Variants in DAAM1 observed in about 807,000 individuals in gnomAD.
DAAM1 encodes the protein dishevelled associated activator of morphogenesis 1.
DAAM1 carries 52 observed loss-of-function variants against 130.0 expected under a neutral mutation model. The ratio of observed to expected loss-of-function variants is 0.40; its 90% confidence interval spans 0.32 to 0.50. The LOEUF (loss-of-function observed/expected upper bound fraction) is 0.50, where lower values mean the gene tolerates loss of function less well. Among genes scored for constraint, DAAM1 ranks in the 20% least tolerant of loss-of-function variants. The pLI is 0.61. For synonymous variants in DAAM1, 452 were observed against 444.5 expected, an observed-to-expected ratio of 1.02 and a Z score of -0.21; for missense variants, 1,134 against 1,303.8, an observed-to-expected ratio of 0.87 and a Z score of 2.01.
intron 4 of DAAM1, among the ~76,000 whole-genome samples, chr14:59,319,693 G>T (rs1191346367): frequency 6.6e-6 from 1 of 152,136 alleles, no homozygotes. Flanking sequence ...GAATGGAAAG[G>T]TCTAGACACC....
intron 22 of DAAM1, chr14:59,362,636 C>CAAAAAA (rs57700121): frequency 7.7e-6 from 1 of 129,938 alleles, no homozygotes; most frequent in Non-Finnish European, 1.7e-5. Flanking sequence ...TGCCCTCTTA[C>CAAAAAA]AAAAAAAAAA....
intron 24 of DAAM1, among the ~76,000 whole-genome samples, 187 bp from the exon 25 acceptor site, chr14:59,368,463 G>A (rs976243536): frequency 1.3e-5 from 2 of 151,826 alleles, no homozygotes; most frequent in African/African-American, 4.8e-5. Context: ...GTTTTTTGTT[G>A]TCCATTGCTC....
intron 1 of DAAM1, among the ~76,000 whole-genome samples, chr14:59,225,358 T>C (rs937730004): frequency 3.9e-5 from 6 of 152,274 alleles, no homozygotes; most frequent in African/African-American, 1.4e-4. Context: ...TTACCCAGTC[T>C]AAGGTAATTT....
intron 23 of DAAM1, among the ~76,000 whole-genome samples, chr14:59,365,688 G>T (rs1886886804): frequency 6.6e-6 from 1 of 152,052 alleles, no homozygotes; most frequent in Non-Finnish European, 1.5e-5. Context: ...TATAACAAAG[G>T]CAAGTAAAGC....
chr14:59,365,290 C>G (rs777098584), intron 23 of DAAM1, among the ~76,000 whole-genome samples: 1 of 152,148 alleles, frequency 6.6e-6, no homozygotes, highest in Non-Finnish European at 1.5e-5. Context: ...AAAGATCACT[C>G]AGGATGGCTT....
intron 1 of DAAM1, among the ~76,000 whole-genome samples, chr14:59,257,689 G>A (rs1218856704): frequency 3.9e-5 from 6 of 152,156 alleles, no homozygotes; most frequent in Non-Finnish European, 7.3e-5. Flanking sequence ...CCTCCTTCCA[G>A]CACGTAACTC....
chr14:59,335,374 G>A (rs1314731381), intron 15 of DAAM1, among the ~76,000 whole-genome samples: 2 of 152,076 alleles, frequency 1.3e-5, no homozygotes, highest in Non-Finnish European at 2.9e-5. Context: ...TGAATCTCAG[G>A]TCCTCTTTTT....
chr14:59,199,665 T>G (rs1474808967), intron 1 of DAAM1, among the ~76,000 whole-genome samples: 1 of 152,224 alleles, frequency 6.6e-6, no homozygotes, highest in Non-Finnish European at 1.5e-5. Context: ...GGGATGAATG[T>G]CTCTTCAAAG....
intron 2 of DAAM1, among the ~76,000 whole-genome samples, chr14:59,280,205 A>T (rs1883149138): frequency 6.6e-6 from 1 of 152,208 alleles, no homozygotes; most frequent in African/African-American, 2.4e-5. Context: ...TGCCAAACTC[A>T]AAAACTGTAT....
chr14:59,250,946 T>C (rs1473486426), intron 1 of DAAM1, among the ~76,000 whole-genome samples: 2 of 152,210 alleles, frequency 1.3e-5, no homozygotes, highest in Non-Finnish European at 1.5e-5. Context: ...CCTAGTACTT[T>C]CTTTGTAACC....
intron 1 of DAAM1, among the ~76,000 whole-genome samples, chr14:59,195,746 G>T (rs935688143): frequency 2.0e-5 from 3 of 152,122 alleles, no homozygotes; most frequent in Non-Finnish European, 4.4e-5. Context: ...TATTTTCTGA[G>T]ATAGGTTCTT....
intron 1 of DAAM1, among the ~76,000 whole-genome samples, chr14:59,259,116 G>A (rs1328692628): frequency 6.6e-6 from 1 of 152,200 alleles, no homozygotes; most frequent in East Asian, 1.9e-4. Flanking sequence ...TTGGGTTTAA[G>A]TGAAACTTGT....
At position 59,369,074 on chromosome 14, in the gene DAAM1, A is replaced by G. The variant is rs2139699004; in HGVS notation, c.*215A>G. The G allele has an allele frequency of 2.0e-6, 1 of 507,666 alleles. No individual in the cohort carries two copies. 31.4% of individuals were successfully genotyped at this position (507,666 alleles called of 1,614,324 possible). Reference sequence around the variant, plus strand: ...TCTGGAGACCTATACGTATGGTTAAAAAGATTTATGTTAATGTATGTGCTC... The same window carrying G: ...TCTGGAGACCTATACGTATGGTTAAGAAGATTTATGTTAATGTATGTGCTC... On this transcript the variant is annotated 3_prime_UTR_variant, in exon 25 of 25. Transcript: ENST00000360909.
chr14:59,302,582 G>A (rs1271693417), intron 3 of DAAM1, among the ~76,000 whole-genome samples: 2 of 152,152 alleles, frequency 1.3e-5, no homozygotes, highest in African/African-American at 4.8e-5. Flanking sequence ...AGCTCTGAAT[G>A]GCAGTCCTGG....
At chr14:59,272,767 T>C (rs1157569266) in intron 2 of DAAM1, among the ~76,000 whole-genome samples, 1 of 152,104 alleles carries the variant, frequency 6.6e-6, no homozygotes, top group African/African-American at 2.4e-5. Flanking sequence ...TGTGAAGATA[T>C]GCAATATATC....
chr14:59,336,253 G>T (rs1885621811), intron 15 of DAAM1, among the ~76,000 whole-genome samples: 1 of 152,130 alleles, frequency 6.6e-6, no homozygotes. Context: ...TCAATCTATA[G>T]CACTATCAGC....
At chr14:59,278,987 C>T (rs901015033) in intron 2 of DAAM1, among the ~76,000 whole-genome samples, 18 of 151,986 alleles carry the variant, frequency 1.2e-4, no homozygotes, top group African/African-American at 3.6e-4. Flanking sequence ...TGTATTTTTT[C>T]TACTTTGTCT....
In DAAM1 at chr14:59,295,753, G is replaced by A. The variant is rs369400385; in HGVS notation, c.273+4447G>A. ...AAAGGAGGAGACGAGATGAGACATC[G>A]GTCTTCTAGTTCTTCCCAATATCTT... On this transcript the variant is annotated intron_variant, in intron 3 of 24. Coordinates refer to ENST00000360909, the MANE Select transcript of DAAM1 (RefSeq NM_001270520.2). Among the ~76,000 whole-genome samples the A allele has an allele frequency of 3.3e-4, 51 of 152,326 alleles. No individual in the cohort carries two copies. The East Asian group carries it at 6.7e-3, about 20-fold the overall frequency.
chr14:59,225,171 G>C (rs1055280858), intron 1 of DAAM1, among the ~76,000 whole-genome samples: 1 of 151,920 alleles, frequency 6.6e-6, no homozygotes, highest in Non-Finnish European at 1.5e-5. Flanking sequence ...GGGACTACAG[G>C]CATGCGCCAC....
Sources: allele counts gnomAD v4.1 joint callset (sites outside exome capture counted in the v4.1 genomes callset), GRCh38; gene constraint gnomAD v4.1.1; transcripts MANE v1.5; gene names NCBI Gene and HGNC (gene_info 2026-07-23, HGNC 2026-07-21).